The following MACROD2 variants were observed in gnomAD, a reference collection of about 807,000 sequenced individuals.
The protein encoded by MACROD2 is mono-ADP ribosylhydrolase 2, also known as ADP-ribose glycohydrolase MACROD2.
Under a neutral mutation model 70.4 loss-of-function variants are expected in MACROD2, and 36 were observed. The ratio of observed to expected loss-of-function variants is 0.51; its 90% CI spans 0.39 to 0.68. The LOEUF (loss-of-function observed/expected upper bound fraction) is 0.68. Among genes scored for constraint, MACROD2 ranks in the 30% least tolerant of loss-of-function variants. MACROD2 has a pLI of 0.00. For missense variants in MACROD2, 496 were observed against 538.4 expected (o/e 0.92, Z 0.78); for synonymous variants, 172 against 178.8 (o/e 0.96, Z 0.30).
At chr20:15,218,649 T>C (rs2076831422) in intron 5 of MACROD2, among the ~76,000 whole-genome samples, 1 of 152,172 alleles carries the variant, frequency 6.6e-6, no homozygotes, top group South Asian at 2.1e-4. Flanking sequence ...CTTTGCAAAC[T>C]CTTTAAGAAG....
chr20:15,357,488 T>C (rs1454647345), intron 6 of MACROD2, among the ~76,000 whole-genome samples: 2 of 152,142 alleles, frequency 1.3e-5, no homozygotes. Context: ...TAAATTTTTC[T>C]TCACTTGTGT....
intron 2 of MACROD2, among the ~76,000 whole-genome samples, chr20:14,069,743 A>G (rs2053814142): frequency 1.3e-5 from 2 of 150,030 alleles, no homozygotes; most frequent in Admixed American, 6.7e-5. Context: ...AGATCCCCAA[A>G]GAATGTCACT....
chr20:15,507,297 C>T (rs545995716), intron 8 of MACROD2, among the ~76,000 whole-genome samples: 62 of 151,272 alleles, frequency 4.1e-4, no homozygotes, highest in African/African-American at 1.5e-3. Flanking sequence ...TGTCTCCCTC[C>T]CTCTTTCTTC....
chr20:14,179,704 T>C (rs2081291318), intron 3 of MACROD2, among the ~76,000 whole-genome samples: 1 of 152,138 alleles, frequency 6.6e-6, no homozygotes, highest in South Asian at 2.1e-4. Context: ...TGGGGACGTT[T>C]TACCAAAGAT....
At chr20:15,517,443 G>A (rs1304069828) in intron 8 of MACROD2, among the ~76,000 whole-genome samples, 6 of 152,076 alleles carry the variant, frequency 3.9e-5, no homozygotes, top group East Asian at 1.9e-4. Context: ...ACAATTCATC[G>A]CTACTGGAAA....
intron 3 of MACROD2, among the ~76,000 whole-genome samples, chr20:14,322,405 C>CT (rs1338225067): frequency 1.2e-5 from 1 of 80,608 alleles, no homozygotes; most frequent in African/African-American, 4.0e-5. Context: ...TCAATATAAT[C>CT]TCTTTTTTTT....
intron 3 of MACROD2, among the ~76,000 whole-genome samples, chr20:14,440,457 G>C (rs1009552371): frequency 4.6e-5 from 7 of 152,238 alleles, no homozygotes; most frequent in Middle Eastern, 3.4e-3. Flanking sequence ...GAAGCCAAAA[G>C]TTTGGACATC....
chr20:15,841,309 G>T (rs368154619), intron 8 of MACROD2, among the ~76,000 whole-genome samples: 4 of 152,054 alleles, frequency 2.6e-5, no homozygotes, highest in Admixed American at 6.6e-5. Context: ...GGTCCAGGAT[G>T]GGGGGGTGTA....
intron 5 of MACROD2, among the ~76,000 whole-genome samples, chr20:14,773,107 A>C (rs968242028): frequency 2.6e-5 from 4 of 151,984 alleles, no homozygotes; most frequent in Non-Finnish European, 2.9e-5. Context: ...ATCCCCTGCA[A>C]ATTTCTATAT....
In MACROD2 at chr20:14,711,444, T is replaced by G. The variant is rs74529100; in HGVS notation, c.418+26485T>G. On this transcript the variant is annotated intron_variant, in intron 5 of 17. Transcript: ENST00000684519. ...GGCAAGGTGTAGAAATTTTTAGTGT[T>G]GTTTAAGCAACCCATTTATTTTGAA... Among the ~76,000 whole-genome samples the G allele has an allele frequency of 4.4e-3, 677 of 152,314 alleles. 13 individuals are homozygous for G. The highest frequency in any genetic ancestry group is 0.015 in the African/African-American group (642 of 41,576).
chr20:15,049,364 A>G (rs1468427376), intron 5 of MACROD2, among the ~76,000 whole-genome samples: 1 of 152,134 alleles, frequency 6.6e-6, no homozygotes, highest in African/African-American at 2.4e-5. Flanking sequence ...GCCACCAAGA[A>G]AATACATGTC....
At chr20:14,455,330 A>C (rs1319118144) in intron 3 of MACROD2, among the ~76,000 whole-genome samples, 1 of 151,922 alleles carries the variant, frequency 6.6e-6, no homozygotes, top group Admixed American at 6.5e-5. Flanking sequence ...AGCATGGTTC[A>C]ATTCTTATTT....
chr20:16,024,566 C>T (rs1342296135), intron 15 of MACROD2, among the ~76,000 whole-genome samples: 1 of 151,978 alleles, frequency 6.6e-6, no homozygotes, highest in East Asian at 1.9e-4. Flanking sequence ...CACATAGCCT[C>T]TTTGTAATGG....
rs531597123 is a variant in MACROD2, at chr20:14,457,774, A to C, written c.272-35705A>C. Among the ~76,000 whole-genome samples the C allele has an allele frequency of 5.3e-5, 8 of 152,248 alleles. No individual in the cohort carries two copies. In the South Asian group the frequency reaches 1.7e-3, roughly 32 times the overall value. On this transcript the variant is annotated intron_variant, in intron 3 of 17. Coordinates refer to ENST00000684519, the MANE Select transcript of MACROD2 (RefSeq NM_001351661.2). ...AAGACATCTTACTGACAAGAGAGGA[A>C]GAAAATACTGGAAGTAGTACTTATA...
Position 16,048,536 on chromosome 20 carries a change from C to A in MACROD2, c.1301-1294C>A, listed in dbSNP as rs1282608470. 3.3e-5 allele frequency among the ~76,000 whole-genome samples: 5 copies of A among 151,974 alleles called. No homozygotes were observed. The East Asian group carries it at 9.7e-4, about 29-fold the overall frequency. On this transcript the variant is annotated intron_variant, in intron 17 of 17. Coordinates refer to ENST00000684519, the MANE Select transcript of MACROD2 (RefSeq NM_001351661.2). ...GGGCTGTGTATTTGATTGATACCCA[C>A]CAAGCATCTCCAGGTTTAACTTAAT...
At chr20:14,208,551 G>A (rs1401019559) in intron 3 of MACROD2, among the ~76,000 whole-genome samples, 1 of 152,184 alleles carries the variant, frequency 6.6e-6, no homozygotes. Context: ...CTCTCATGTG[G>A]AAATCTGAAA....
intron 4 of MACROD2, among the ~76,000 whole-genome samples, chr20:14,558,199 G>A (rs1979178821): frequency 1.3e-5 from 2 of 151,718 alleles, no homozygotes; most frequent in Admixed American, 1.3e-4. Context: ...TGATTGTTGG[G>A]GGAAATAGGG....
intron 4 of MACROD2, among the ~76,000 whole-genome samples, chr20:14,559,144 T>A (rs1044833485): frequency 1.3e-5 from 2 of 151,760 alleles, no homozygotes; most frequent in Non-Finnish European, 2.9e-5. Flanking sequence ...AGTTCAGTAT[T>A]TATATTTGGT....
chr20:15,361,620 G>T (rs184845382), intron 6 of MACROD2, among the ~76,000 whole-genome samples: 7 of 152,234 alleles, frequency 4.6e-5, no homozygotes, highest in Admixed American at 4.6e-4. Flanking sequence ...TATTGGAATT[G>T]TGTTAAACTT....
Sources: allele counts gnomAD v4.1 joint callset (sites outside exome capture counted in the v4.1 genomes callset), GRCh38; gene constraint gnomAD v4.1.1; transcripts MANE v1.5; gene names NCBI Gene and HGNC (gene_info 2026-07-23, HGNC 2026-07-21).